DCC: variants seen among roughly 807,000 people sequenced by gnomAD.
DCC encodes netrin receptor DCC.
A neutral mutation model predicts 172.5 loss-of-function variants in DCC; 58 were observed. That is an observed-to-expected ratio of 0.34 (90% CI 0.27 to 0.42). DCC has a LOEUF of 0.42. Among genes scored for constraint, DCC ranks in the 10% least tolerant of loss-of-function variants. DCC has a pLI of 1.00. For synonymous variants in DCC, 709 were observed against 644.5 expected (o/e 1.10, Z -1.52); for missense variants, 1,740 against 1,791.0 (o/e 0.97, Z 0.51).
At position 53,307,830 on chromosome 18, in the gene DCC, A is replaced by C. The variant is rs1423133650; in HGVS notation, c.2053+2111A>C. ...TTCTGGAAAGCATATGAGAAATGTA[A>C]ACTCTCATATACTGCTTGTGGGACA... is the stretch of plus-strand genomic sequence containing the variant. On this transcript the variant is annotated intron_variant, in intron 13 of 28. Coordinates refer to ENST00000442544, the MANE Select transcript of DCC (RefSeq NM_005215.4). Among the ~76,000 whole-genome samples the C allele has an allele frequency of 2.7e-5, 4 of 146,560 alleles. 1 individual carries two copies. The highest frequency in any genetic ancestry group is 6.0e-5 in the Non-Finnish European group (4 of 66,958).
intron 12 of DCC, among the ~76,000 whole-genome samples, chr18:53,230,992 T>C (rs576790580): frequency 6.6e-6 from 1 of 152,016 alleles, no homozygotes; most frequent in South Asian, 2.1e-4. Context: ...AAATTGGTGT[T>C]TTTTTTTCTG....
At chr18:52,707,476 T>C (rs1341283665) in intron 1 of DCC, among the ~76,000 whole-genome samples, 1 of 152,172 alleles carries the variant, frequency 6.6e-6, no homozygotes, top group Non-Finnish European at 1.5e-5. Flanking sequence ...AACAGAACTA[T>C]CATATGATCC....
intron 1 of DCC, among the ~76,000 whole-genome samples, chr18:52,677,353 C>A (rs1568036101): frequency 6.6e-6 from 1 of 152,034 alleles, no homozygotes; most frequent in African/African-American, 2.4e-5. Flanking sequence ...TATTAAAATG[C>A]TTGTTCTTGA....
chr18:52,455,543 A>T (rs1163142522), intron 1 of DCC, among the ~76,000 whole-genome samples: 2 of 152,198 alleles, frequency 1.3e-5, no homozygotes, highest in African/African-American at 4.8e-5. Context: ...ATCCTCAGAG[A>T]ATCAAATTTG....
chr18:53,070,413 A>G (rs2042637007), intron 7 of DCC, among the ~76,000 whole-genome samples: 1 of 152,212 alleles, frequency 6.6e-6, no homozygotes, highest in Non-Finnish European at 1.5e-5. Flanking sequence ...ATGACAGCAG[A>G]AAAATAAAAA....
intron 1 of DCC, among the ~76,000 whole-genome samples, chr18:52,614,998 A>T (rs1398988097): frequency 1.3e-5 from 2 of 152,176 alleles, no homozygotes; most frequent in Non-Finnish European, 2.9e-5. Flanking sequence ...AGAAAGGGAA[A>T]TATATATATT....
intron 22 of DCC, among the ~76,000 whole-genome samples, chr18:53,450,014 G>T (rs538286106): frequency 6.6e-6 from 1 of 152,000 alleles, no homozygotes; most frequent in African/African-American, 2.4e-5. Flanking sequence ...GTCCTTTTGT[G>T]TCTGGCTTCT....
intron 7 of DCC, among the ~76,000 whole-genome samples, chr18:53,090,721 AAAAAAAAAAAAAAG>A (rs1466631614): frequency 7.7e-6 from 1 of 129,354 alleles, no homozygotes; most frequent in Non-Finnish European, 1.6e-5. Flanking sequence ...AAAAAAAAAA[AAAAAAAAAAAAAAG>A]AATGTATCGT....
intron 1 of DCC, among the ~76,000 whole-genome samples, chr18:52,547,440 T>A (rs146852064): frequency 4.6e-5 from 7 of 152,294 alleles, no homozygotes; most frequent in Non-Finnish European, 1.0e-4. Context: ...GTACCTGCAT[T>A]CAATAGCTAT....
chr18:52,591,336 T>C, intron 1 of DCC, among the ~76,000 whole-genome samples: 1 of 152,268 alleles, frequency 6.6e-6, no homozygotes, highest in Non-Finnish European at 1.5e-5. Flanking sequence ...ATTTAAAACA[T>C]ACAATTAAAA....
At chr18:52,461,341 C>A (rs936275889) in intron 1 of DCC, among the ~76,000 whole-genome samples, 2 of 152,086 alleles carry the variant, frequency 1.3e-5, no homozygotes, top group Non-Finnish European at 2.9e-5. Context: ...GGGAATACCC[C>A]CCGAAGGACT....
intron 1 of DCC, among the ~76,000 whole-genome samples, chr18:52,667,504 T>A (rs1005025788): frequency 2.0e-5 from 3 of 152,228 alleles, no homozygotes; most frequent in Non-Finnish European, 1.5e-5. Context: ...GGCTTCTTTG[T>A]CTTCAAGGAG....
intron 2 of DCC, among the ~76,000 whole-genome samples, chr18:52,900,745 G>A (rs1012219279): frequency 6.6e-6 from 1 of 152,172 alleles, no homozygotes; most frequent in East Asian, 1.9e-4. Flanking sequence ...TGGCTTGTGT[G>A]GGACACTTCC....
At position 53,238,706 on chromosome 18, in the gene DCC, A is replaced by G. The variant is rs542944211; in HGVS notation, c.1911+23109A>G. Reference sequence around the variant, plus strand: ...ATTGCAACTAAGGAACTCAGAGCCTAGAGGACTGAGACAAGCAGCCAAACA... The same window carrying G: ...ATTGCAACTAAGGAACTCAGAGCCTGGAGGACTGAGACAAGCAGCCAAACA... On this transcript the variant is annotated intron_variant, in intron 12 of 28. Coordinates refer to ENST00000442544, the MANE Select transcript of DCC (RefSeq NM_005215.4). Among the ~76,000 whole-genome samples, 7 of 152,284 alleles carry G rather than the reference A, an allele frequency of 4.6e-5. No individual in the cohort carries two copies. The South Asian group carries it at 6.2e-4, about 14-fold the overall frequency.
intron 1 of DCC, among the ~76,000 whole-genome samples, chr18:52,526,827 A>G (rs1209941766): frequency 6.6e-6 from 1 of 152,134 alleles, no homozygotes; most frequent in Admixed American, 6.5e-5. Context: ...TATTTCATAG[A>G]TCCATCTATT....
intron 24 of DCC, among the ~76,000 whole-genome samples, chr18:53,460,495 T>C (rs1414180445): frequency 2.2e-5 from 3 of 137,062 alleles, no homozygotes; most frequent in Admixed American, 1.7e-4. Flanking sequence ...TGTGTTCTCA[T>C]TGTTCAATTC....
At chr18:53,057,858 G>T (rs952231558) in intron 5 of DCC, among the ~76,000 whole-genome samples, 2 of 151,950 alleles carry the variant, frequency 1.3e-5, no homozygotes, top group African/African-American at 4.8e-5. Flanking sequence ...TATGCTTCAG[G>T]CTCCATCTTT....
intron 2 of DCC, chr18:52,757,271 T>C (rs57453934): frequency 0.21 from 31,759 of 152,134 alleles, 4,712 homozygotes; most frequent in African/African-American, 0.42. Context: ...CTCAGCCTTC[T>C]TAATGGCTTT....
chr18:53,448,876 GAAGTTCACACCAT>G (rs1275128490), intron 22 of DCC, among the ~76,000 whole-genome samples: 4 of 152,104 alleles, frequency 2.6e-5, no homozygotes, highest in African/African-American at 9.7e-5. Context: ...TTACAGTCTG[GAAGTTCACACCAT>G]AAGTCCCAAA....
Sources: allele counts gnomAD v4.1 joint callset (sites outside exome capture counted in the v4.1 genomes callset), GRCh38; gene constraint gnomAD v4.1.1; transcripts MANE v1.5; gene names NCBI Gene and HGNC (gene_info 2026-07-23, HGNC 2026-07-21).